Variants in MARCHF6 observed in about 807,000 individuals in gnomAD.
MARCHF6 encodes membrane associated ring-CH-type finger 6, also known as E3 ubiquitin-protein ligase MARCHF6.
Under a neutral mutation model 133.7 loss-of-function variants are expected in MARCHF6, and 31 were observed. That is an observed-to-expected ratio of 0.23 (90% CI 0.17 to 0.31). The LOEUF (loss-of-function observed/expected upper bound fraction) is 0.31, where lower values mean the gene tolerates loss of function less well. MARCHF6 is among the 10% of genes least tolerant of loss of function. The pLI is 1.00. For synonymous variants in MARCHF6, 395 were observed against 402.5 expected, an observed-to-expected ratio of 0.98 and a Z score of 0.22; for missense variants, 723 against 1,121.6, an observed-to-expected ratio of 0.64 and a Z score of 5.08.
chr5:10,426,927 G>T (rs1354248373), intron 24 of MARCHF6, among the ~76,000 whole-genome samples: 2 of 152,212 alleles, frequency 1.3e-5, no homozygotes. Context: ...TGGGCAACAC[G>T]TTTATACTGA....
intron 9 of MARCHF6, among the ~76,000 whole-genome samples, chr5:10,395,989 A>G (rs894943236): frequency 2.0e-5 from 3 of 152,222 alleles, no homozygotes; most frequent in Admixed American, 2.0e-4. Flanking sequence ...TCCTTACCCC[A>G]TCAGTTCCTC....
rs1740799020 is a variant in MARCHF6, at chr5:10,440,049, C to G, written c.*6365C>G. 6.6e-6 allele frequency: 1 copy of G among 152,226 alleles called. No individual in the cohort carries two copies. The highest frequency in any genetic ancestry group is 1.5e-5 in the Non-Finnish European group (1 of 68,044). The allele number at this position is 152,226 out of a possible 1,614,324, so 9.4% of individuals were successfully genotyped here. The stretch of plus-strand genomic sequence containing the variant: ...CCTGCTGTATTTTGTACTCCCGGCT[C>G]TCTTTTGTACTTTTAAACATACTAT... On this transcript the variant is annotated 3_prime_UTR_variant, in exon 26 of 26. Transcript: ENST00000274140.
rs145991221 is a variant in MARCHF6, at chr5:10,435,582, C to G, written c.*1898C>G. ...TGTCATAGTGTATTTCTAAATTGCT[C>G]TCTTTGGGAGAAAAACATTATTATT... On this transcript the variant is annotated 3_prime_UTR_variant, in exon 26 of 26. Coordinates refer to ENST00000274140, the MANE Select transcript of MARCHF6 (RefSeq NM_005885.4). 7.9e-6 allele frequency: 1 copy of G among 125,886 alleles called. No individual in the cohort carries two copies. The highest frequency in any genetic ancestry group is 3.0e-5 in the African/African-American group (1 of 33,636). 7.8% of individuals were successfully genotyped at this position (125,886 alleles called of 1,614,324 possible).
intron 15 of MARCHF6, among the ~76,000 whole-genome samples, chr5:10,405,300 A>G (rs573079869): frequency 1.3e-5 from 2 of 152,118 alleles, no homozygotes; most frequent in Non-Finnish European, 2.9e-5. Context: ...TTCTTGACAC[A>G]TTGGACCCAA....
chr5:10,368,294 G>A (rs2126664284), intron 1 of MARCHF6, among the ~76,000 whole-genome samples: 1 of 152,284 alleles, frequency 6.6e-6, no homozygotes, highest in East Asian at 1.9e-4. Flanking sequence ...TTATGTCGTA[G>A]TCACAAACTA....
intron 1 of MARCHF6, among the ~76,000 whole-genome samples, chr5:10,364,291 G>C (rs934965332): frequency 2.6e-5 from 4 of 152,120 alleles, no homozygotes; most frequent in South Asian, 2.1e-4. Flanking sequence ...GCAACCTTCC[G>C]GGTACAGGTG....
In MARCHF6 at chr5:10,414,438, T is replaced by G. The variant is rs1739394003; in HGVS notation, c.1902T>G (p.Phe634Leu). Residue 634 changes from phenylalanine to leucine, a missense_variant, in exon 20 of 26, where the codon TTT becomes TTG. Physicochemically the swap from Phe to Leu is conservative, Grantham distance 22. This residue lies in a region of MARCHF6 where 492 missense variants were observed against 699.5 expected (regional missense o/e 0.70). Coordinates refer to ENST00000274140, the MANE Select transcript of MARCHF6 (RefSeq NM_005885.4). ...CCTTATGTTTTACTTTGCAGATATT[T>G]CTGTTGATTGTCTTCATGTGTATAA... ...RRPLNFPLRI[F>L]LLIVFMCITL... 3.1e-6 allele frequency: 5 copies of G among 1,609,396 alleles called. No individual in the cohort carries two copies. The highest frequency in any genetic ancestry group is 1.3e-5 in the African/African-American group (1 of 74,992).
chr5:10,354,011 C>A, intron 1 of MARCHF6, 94 bp downstream of exon 1: 1 of 1,296,016 alleles, frequency 7.7e-7, no homozygotes, highest in Non-Finnish European at 1.0e-6. Context: ...GCTGCTGGAT[C>A]GCGGCGGGGC....
chr5:10,407,188 T>A lies in MARCHF6; in HGVS notation c.1539T>A (p.Asn513Lys). The change falls in exon 17 of 26, where the codon AAT becomes AAA. Residue 513 changes from asparagine to lysine, a missense_variant. This residue lies in a region of MARCHF6 where 492 missense variants were observed against 699.5 expected (regional missense o/e 0.70). Coordinates refer to ENST00000274140, the MANE Select transcript of MARCHF6 (RefSeq NM_005885.4). ...KSVLPNFLPY[N>K]VMLYSDAPVS... ...TGCTGCCTAATTTTCTTCCATACAATGTCATGCTCTACAGGTAAGTTTTAA... is the reference window on the plus strand; with the variant it reads ...TGCTGCCTAATTTTCTTCCATACAAAGTCATGCTCTACAGGTAAGTTTTAA... 1.2e-6 allele frequency: 2 copies of A among 1,606,190 alleles called. No individual in the cohort carries two copies. The highest frequency in any genetic ancestry group is 1.7e-6 in the Non-Finnish European group (2 of 1,173,826).
rs1735251527 is a variant in MARCHF6 at position 10,353,824 on chromosome 5, C to T, written c.-75C>T. On this transcript the variant is annotated 5_prime_UTR_variant, in exon 1 of 26. Coordinates refer to ENST00000274140, the MANE Select transcript of MARCHF6 (RefSeq NM_005885.4). ...GCACCTGCCCGGGCCCGGCTCCCTC[C>T]TCCTCTCCCCTCCCTCTTTCCCCGC... 2 of 1,414,812 alleles carry T rather than the reference C, an allele frequency of 1.4e-6. No homozygotes were observed. Among genetic ancestry groups the T allele is most frequent in the Non-Finnish European group, 1.9e-6 (2 of 1,037,054 alleles). The allele number at this position is 1,414,812 out of a possible 1,614,324, so 87.6% of individuals were successfully genotyped here.
intron 4 of MARCHF6, among the ~76,000 whole-genome samples, chr5:10,384,525 A>G (rs1182237504): frequency 6.6e-6 from 1 of 152,230 alleles, no homozygotes; most frequent in Admixed American, 6.5e-5. Flanking sequence ...GGGTTCTGCA[A>G]TGCTGACTGT....
intron 10 of MARCHF6, among the ~76,000 whole-genome samples, chr5:10,400,511 AGTTTTG>A (rs2126758241): frequency 6.6e-6 from 1 of 152,040 alleles, no homozygotes; most frequent in Admixed American, 6.6e-5. Context: ...TTTTTCCATC[AGTTTTG>A]GTCATTATTC....
chr5:10,378,838 T>C lies in MARCHF6; in HGVS notation c.190+6T>C. 6.3e-7 allele frequency: 1 copy of C among 1,597,542 alleles called. No individual in the cohort carries two copies. On this transcript the variant is annotated splice_donor_region_variant and intron_variant, in intron 3 of 25. Transcript: ENST00000274140. ...CAGATTTGCTTTTACACCAAGTAAG[T>C]TCTTTAGACATTTTCACTGCATTTT...
intron 10 of MARCHF6, among the ~76,000 whole-genome samples, chr5:10,399,265 C>T (rs1166766999): frequency 1.3e-5 from 2 of 151,982 alleles, no homozygotes; most frequent in Admixed American, 6.6e-5. Context: ...TATTAAATTT[C>T]TTCTGCTTTA....
intron 1 of MARCHF6, among the ~76,000 whole-genome samples, chr5:10,360,758 A>G (rs1735773182): frequency 6.6e-6 from 1 of 152,144 alleles, no homozygotes; most frequent in African/African-American, 2.4e-5. Flanking sequence ...GGGAAAGGTA[A>G]TGGAAGAATA....
chr5:10,405,698 T>G lies in MARCHF6; in HGVS notation c.1452+21T>G, dbSNP rs776902493. 1.3e-5 allele frequency: 11 copies of G among 816,960 alleles called. No individual in the cohort carries two copies. In the East Asian group the frequency reaches 3.8e-4, roughly 28 times the overall value. The allele number at this position is 816,960 out of a possible 1,614,324, so 50.6% of individuals were successfully genotyped here. A position where few individuals can be genotyped will look rare whatever the true frequency, so the allele number is the denominator to read the frequency against. ...CAGTGGTAAGAAGATGTTTCCATTG[T>G]TTTTTTTTTTTGAATTAATTGTGCT... On this transcript the variant is annotated intron_variant, in intron 16 of 25. Transcript: ENST00000274140.
In MARCHF6 at chr5:10,353,719, T is replaced by G; in HGVS notation, c.-180T>G. ...TGTTCCCGCCCCTCCCCCTCCCGTG[T>G]CGCTCGCTTTCTGTCAGCCTCTCTC... On this transcript the variant is annotated 5_prime_UTR_variant, in exon 1 of 26. Coordinates refer to ENST00000274140, the MANE Select transcript of MARCHF6 (RefSeq NM_005885.4). 8.7e-6 allele frequency: 2 copies of G among 229,474 alleles called. No homozygotes were observed. The highest frequency in any genetic ancestry group is 3.3e-5 in the South Asian group (1 of 29,984). 14.2% of individuals were successfully genotyped at this position (229,474 alleles called of 1,614,324 possible). A position where few individuals can be genotyped will look rare whatever the true frequency, so the allele number is the denominator to read the frequency against.
intron 5 of MARCHF6, among the ~76,000 whole-genome samples, chr5:10,387,491 C>G (rs1374361793): frequency 6.6e-6 from 1 of 151,220 alleles, no homozygotes; most frequent in Non-Finnish European, 1.5e-5. Flanking sequence ...TTAGTAGAGA[C>G]AGGGTTTCAC....
At position 10,439,153 on chromosome 5, in the gene MARCHF6, G is replaced by T. The variant is rs1740761472; in HGVS notation, c.*5469G>T. On this transcript the variant is annotated 3_prime_UTR_variant, in exon 26 of 26. Coordinates refer to ENST00000274140, the MANE Select transcript of MARCHF6 (RefSeq NM_005885.4). The stretch of plus-strand genomic sequence containing the variant: ...GGCTGTGCATTGGTCTAATGGAACA[G>T]AATAGAGTCCAGAAATAACCCAACA... 2.0e-5 allele frequency: 3 copies of T among 152,212 alleles called. No individual in the cohort carries two copies. Among genetic ancestry groups the T allele is most frequent in the Admixed American group, 1.3e-4 (2 of 15,276 alleles). The allele number at this position is 152,212 out of a possible 1,614,324, so 9.4% of individuals were successfully genotyped here.
Sources: gnomAD v4.1 joint callset for allele counts (sites outside exome capture counted in the v4.1 genomes callset) on GRCh38, gnomAD v4.1.1 for gene constraint, gnomAD v4.1.1 regional missense constraint, MANE v1.5 for transcripts, NCBI Gene and HGNC (gene_info 2026-07-23, HGNC 2026-07-21) for gene names.